JAK2: variants seen among roughly 807,000 people sequenced by gnomAD.
The protein encoded by JAK2 is Janus kinase 2.
A neutral mutation model predicts 139.3 loss-of-function variants in JAK2; 86 were observed. That is an observed-to-expected ratio of 0.62 (90% CI 0.52 to 0.74). The LOEUF (loss-of-function observed/expected upper bound fraction) is 0.74. JAK2 is among the 30% of genes least tolerant of loss of function. JAK2 has a pLI of 0.00. For synonymous variants in JAK2, 490 were observed against 437.7 expected (o/e 1.12, Z -1.49); for missense variants, 1,421 against 1,360.3 (o/e 1.04, Z -0.70).
At chr9:5,035,260 A>C (rs533201518) in intron 4 of JAK2, among the ~76,000 whole-genome samples, 1 of 152,310 alleles carries the variant, frequency 6.6e-6, no homozygotes, top group East Asian at 1.9e-4. Flanking sequence ...CAACCAAAAA[A>C]AGTCCAGGAC....
At chr9:5,075,476 T>C (rs555254135) in intron 14 of JAK2, among the ~76,000 whole-genome samples, 1 of 152,256 alleles carries the variant, frequency 6.6e-6, no homozygotes, top group East Asian at 1.9e-4. Context: ...ATTCCAAAAA[T>C]CCCAGGGCTC....
chr9:5,038,698 T>G (rs1439146743), intron 4 of JAK2, among the ~76,000 whole-genome samples: 4 of 152,064 alleles, frequency 2.6e-5, no homozygotes, highest in African/African-American at 9.7e-5. Context: ...GATGAATATT[T>G]CTTTTGCACA....
intron 5 of JAK2, among the ~76,000 whole-genome samples, chr9:5,046,060 A>G (rs1434928683): frequency 6.6e-6 from 1 of 152,136 alleles, no homozygotes; most frequent in Non-Finnish European, 1.5e-5. Context: ...GCTTTGTTTG[A>G]TAATAGCCAT....
chr9:5,059,618 T>C (rs532582313), intron 8 of JAK2, among the ~76,000 whole-genome samples: 26 of 152,328 alleles, frequency 1.7e-4, no homozygotes, highest in Middle Eastern at 3.4e-3. Flanking sequence ...AGCTTTAGTA[T>C]ACTGCCAAAC....
At chr9:5,126,250 T>C (rs1273950702) in intron 23 of JAK2, 83 bp from the exon 24 acceptor site, 1 of 906,802 alleles carries the variant, frequency 1.1e-6, no homozygotes, top group Non-Finnish European at 1.7e-6. Flanking sequence ...TACTAAATTT[T>C]TTCCCATTGA....
At chr9:5,060,989 G>A (rs1007200751) in intron 8 of JAK2, among the ~76,000 whole-genome samples, 13 of 152,204 alleles carry the variant, frequency 8.5e-5, no homozygotes, top group African/African-American at 1.4e-4. Flanking sequence ...CTGTCAGAGC[G>A]CTTGGGTGAC....
intron 22 of JAK2, among the ~76,000 whole-genome samples, chr9:5,105,389 A>G (rs1821870240): frequency 6.6e-6 from 1 of 152,236 alleles, no homozygotes; most frequent in African/African-American, 2.4e-5. Flanking sequence ...GGAAAACTAC[A>G]AACCACTGCT....
At position 5,128,607 on chromosome 9, in the gene JAK2, A is replaced by G. The variant is rs1824154630; in HGVS notation, c.*1816A>G. Among the ~76,000 whole-genome samples the G allele has an allele frequency of 6.6e-6, 1 of 151,864 alleles. No homozygotes were observed. Among genetic ancestry groups the G allele is most frequent in the African/African-American group, 2.4e-5 (1 of 41,424 alleles). On this transcript the variant is annotated 3_prime_UTR_variant, in exon 25 of 25. Transcript: ENST00000381652. ...AGATGTGAACTAACTTTTCTTAAAC[A>G]TTTTTTTAAATGCTTCATCTTTTAG...
rs2130408547 is a variant in JAK2 at position 5,054,683 on chromosome 9, C to T, written c.735C>T (p.Ala245=). 6.2e-7 allele frequency: 1 copy of T among 1,613,356 alleles called. No homozygotes were observed. Among genetic ancestry groups the T allele is most frequent in the Non-Finnish European group, 8.5e-7 (1 of 1,179,430 alleles). The change falls in exon 7 of 25, where the codon GCC becomes GCT. Residue 245 remains alanine (A), a synonymous_variant. Transcript: ENST00000381652. This position sits in a 1 kb window ranked among gnomAD's most constrained non-coding sequence, Gnocchi z 4.9. ...TTCAGCAATTCAGCCAATGCAAAGC[C>T]ACTGCCAGAAACTTGAAACTTAAGT... ...RFIQQFSQCK[A]TARNLKLKYL...
At chr9:5,113,818 T>C (rs549129057) in intron 22 of JAK2, 39 of 174,678 alleles carry the variant, frequency 2.2e-4, no homozygotes, top group Non-Finnish European at 1.3e-4. Context: ...ACACACTCTG[T>C]GGTCCGCAGA....
At chr9:5,042,613 G>A (rs1406688287) in intron 4 of JAK2, among the ~76,000 whole-genome samples, 1 of 106,538 alleles carries the variant, frequency 9.4e-6, no homozygotes, top group Non-Finnish European at 1.8e-5. Flanking sequence ...CCAGCCAGCT[G>A]CCCCCGTTAG....
intron 22 of JAK2, among the ~76,000 whole-genome samples, chr9:5,119,080 A>G (rs1823421275): frequency 6.6e-6 from 1 of 152,178 alleles, no homozygotes; most frequent in East Asian, 1.9e-4. Context: ...ATCATGTTTT[A>G]AATATATGAT....
intron 2 of JAK2, among the ~76,000 whole-genome samples, chr9:5,017,761 A>G (rs1043118275): frequency 6.6e-6 from 1 of 152,226 alleles, no homozygotes; most frequent in African/African-American, 2.4e-5. Context: ...ATGAACTTCA[A>G]AAATCTTGCA....
At chr9:5,052,431 A>G (rs937909168) in intron 6 of JAK2, among the ~76,000 whole-genome samples, 2 of 152,100 alleles carry the variant, frequency 1.3e-5, no homozygotes, top group Non-Finnish European at 2.9e-5. Flanking sequence ...TTTACTTTAA[A>G]AATAGTGTAG....
intron 2 of JAK2, among the ~76,000 whole-genome samples, chr9:4,989,415 G>A (rs1420770527): frequency 2.0e-5 from 3 of 151,892 alleles, no homozygotes; most frequent in Admixed American, 1.3e-4. Context: ...TTTTCAAGTT[G>A]ATTGTGTATT....
Position 5,126,989 on chromosome 9 carries a change from T to A in JAK2, c.*198T>A, listed in dbSNP as rs112889539. ...TGAGGCCACCAGTAAAAGACATTAATGAGAATTCCTTAGCAAGGATTTTGT... is the reference window on the plus strand; with the variant it reads ...TGAGGCCACCAGTAAAAGACATTAAAGAGAATTCCTTAGCAAGGATTTTGT... On this transcript the variant is annotated 3_prime_UTR_variant, in exon 25 of 25. Coordinates refer to ENST00000381652, the MANE Select transcript of JAK2 (RefSeq NM_004972.4). The A allele has an allele frequency of 2.4e-3, 789 of 330,660 alleles. 5 individuals carry two copies. Among genetic ancestry groups the A allele is most frequent in the African/African-American group, 0.015 (726 of 47,274 alleles). 20.5% of individuals were successfully genotyped at this position (330,660 alleles called of 1,614,324 possible).
rs755183083 is a variant in JAK2, at chr9:5,064,113, G to A, written c.1057-770G>A. ...AGAAGTTGCAGTGAGCCAAGATCGC[G>A]CCATTGCACTCCAGCCTGGGCGACA... On this transcript the variant is annotated intron_variant, in intron 8 of 24. Transcript: ENST00000381652. 3.9e-5 allele frequency among the ~76,000 whole-genome samples: 6 copies of A among 152,274 alleles called. No homozygotes were observed. The East Asian group carries it at 7.7e-4, about 20-fold the overall frequency.
intron 22 of JAK2, chr9:5,114,326 G>A (rs1407600302): frequency 3.7e-6 from 2 of 539,142 alleles, no homozygotes; most frequent in Non-Finnish European, 7.3e-6. Context: ...GGAAGTCTGT[G>A]GCTCAGGTCA....
rs2130849948 is a variant in JAK2, at chr9:5,122,104, G to C, written c.3060-900G>C. 2.6e-5 allele frequency among the ~76,000 whole-genome samples: 4 copies of C among 152,268 alleles called. No homozygotes were observed. In the South Asian group the frequency reaches 8.3e-4, roughly 32 times the overall value. On this transcript the variant is annotated intron_variant, in intron 22 of 24. Coordinates refer to ENST00000381652, the MANE Select transcript of JAK2 (RefSeq NM_004972.4). ...CCTGAGGGCAATAAGACCTGGAGTA[G>C]GCAGGGAAGGATTTGTGGAGATTAG...
Sources: gnomAD v4.1 joint callset for allele counts (sites outside exome capture counted in the v4.1 genomes callset) on GRCh38, gnomAD v4.1.1 for gene constraint, Gnocchi (gnomAD v3.1) non-coding constraint, MANE v1.5 for transcripts, NCBI Gene and HGNC (gene_info 2026-07-23, HGNC 2026-07-21) for gene names.